Variants in RSF1 observed in about 807,000 individuals in gnomAD.
RSF1 encodes remodeling and spacing factor 1.
A neutral mutation model predicts 145.2 loss-of-function variants in RSF1; 13 were observed. The ratio of observed to expected loss-of-function variants is 0.09; its 90% CI spans 0.06 to 0.14. The LOEUF is 0.14. RSF1 is among the 10% of genes least tolerant of loss of function. The pLI, the probability that RSF1 is intolerant of heterozygous loss-of-function variation, is 1.00. For synonymous variants in RSF1, 577 were observed against 592.6 expected (o/e 0.97, Z 0.38); for missense variants, 1,517 against 1,718.2 (o/e 0.88, Z 2.07).
intron 11 of RSF1, 59 bp from the exon 12 acceptor site, chr11:77,678,212 A>G (rs1462824698): frequency 2.3e-5 from 14 of 598,874 alleles, no homozygotes; most frequent in Non-Finnish European, 3.3e-5. Flanking sequence ...TTTTTTTTTT[A>G]ATTATTTTTA....
chr11:77,871,681 A>C, the RSF1 span, among the ~76,000 whole-genome samples: 1 of 152,232 alleles, frequency 6.6e-6, no homozygotes, highest in Non-Finnish European at 1.5e-5. Context: ...GAGCTAGCCT[A>C]ACATTTCTTA....
the RSF1 span, chr11:77,869,083 C>G: frequency 6.9e-6 from 2 of 291,658 alleles, no homozygotes; most frequent in Non-Finnish European, 6.6e-6. Context: ...TACAGTATCA[C>G]CTGTCTCATA....
chr11:77,716,826 T>C (rs529471123), intron 5 of RSF1, among the ~76,000 whole-genome samples: 3 of 152,328 alleles, frequency 2.0e-5, no homozygotes, highest in South Asian at 4.1e-4. Flanking sequence ...TTCCACAATA[T>C]GGAATTAGTT....
intron 1 of RSF1, among the ~76,000 whole-genome samples, chr11:77,807,136 T>A (rs1948685429): frequency 6.6e-6 from 1 of 152,226 alleles, no homozygotes; most frequent in African/African-American, 2.4e-5. Context: ...TGGTCTTAAG[T>A]TCCTCAACCA....
chr11:77,783,836 G>A (rs1385035317), intron 1 of RSF1, among the ~76,000 whole-genome samples: 3 of 150,990 alleles, frequency 2.0e-5, no homozygotes, highest in East Asian at 1.9e-4. Flanking sequence ...AGCAAGACCC[G>A]ATTTCAAAAA....
At position 77,683,746 on chromosome 11, in the gene RSF1, C is replaced by T. The variant is rs1329183417; in HGVS notation, c.3029G>A (p.Arg1010Lys). The T allele has an allele frequency of 1.2e-6, 2 of 1,613,276 alleles. No individual in the cohort carries two copies. Among genetic ancestry groups the T allele is most frequent in the Non-Finnish European group, 1.7e-6 (2 of 1,179,848 alleles). The change falls in exon 11 of 16, where the codon AGG (arginine) becomes AAG (lysine). Residue 1010 changes from arginine to lysine, a missense_variant. Transcript: ENST00000308488. ...ACATTTCCTTGTTCTTGTTGACCTC[C>T]TTTCAAGCAAGTTTGCTTTGGATTT... ...SKKSKANLLE[R>K]RSTRTRKCIS...
At chr11:77,730,457 T>C (rs1339224419) in intron 4 of RSF1, among the ~76,000 whole-genome samples, 1 of 151,852 alleles carries the variant, frequency 6.6e-6, no homozygotes, top group African/African-American at 2.4e-5. Context: ...AATGCATACA[T>C]TGTGTAATCT....
chr11:77,742,889 T>A (rs1320441119), intron 3 of RSF1, among the ~76,000 whole-genome samples: 3 of 152,188 alleles, frequency 2.0e-5, no homozygotes, highest in Non-Finnish European at 2.9e-5. Flanking sequence ...GGTCTATATG[T>A]AAGTCTTTAA....
chr11:77,734,681 G>A lies in RSF1; in HGVS notation c.578+6050C>T, dbSNP rs1590857399. The A allele has an allele frequency of 2.9e-6, 4 of 1,398,858 alleles. No individual in the cohort carries two copies. The African/African-American group carries it at 4.2e-5, about 15-fold the overall frequency. 86.7% of individuals were successfully genotyped at this position (1,398,858 alleles called of 1,614,324 possible). A position where few individuals can be genotyped will look rare whatever the true frequency, so the allele number is the denominator to read the frequency against. On this transcript the variant is annotated intron_variant, in intron 4 of 15. Coordinates refer to ENST00000308488, the MANE Select transcript of RSF1 (RefSeq NM_016578.4). Reference sequence around the variant, plus strand: ...TCAGTGGCCAATTTGTGCAGTTCCAGTAGTGACTGATTCACATTTTTTTCC... The same window carrying A: ...TCAGTGGCCAATTTGTGCAGTTCCAATAGTGACTGATTCACATTTTTTTCC...
intron 2 of RSF1, among the ~76,000 whole-genome samples, chr11:77,751,614 C>T (rs1174785742): frequency 6.6e-6 from 1 of 152,138 alleles, no homozygotes; most frequent in Non-Finnish European, 1.5e-5. Flanking sequence ...GGGCAGATGC[C>T]TAATTTCCAT....
At chr11:77,758,018 G>A (rs557747718) in intron 2 of RSF1, among the ~76,000 whole-genome samples, 10 of 151,794 alleles carry the variant, frequency 6.6e-5, no homozygotes, top group South Asian at 2.1e-4. Flanking sequence ...CTGTAGTTCC[G>A]GCTACTGGGG....
At chr11:77,835,789 C>T in the RSF1 span, among the ~76,000 whole-genome samples, 3 of 152,078 alleles carry the variant, frequency 2.0e-5, no homozygotes, top group African/African-American at 7.2e-5. Flanking sequence ...GGCGTGGTGG[C>T]ATGTACCTGT....
intron 5 of RSF1, among the ~76,000 whole-genome samples, chr11:77,707,371 T>C (rs1425139869): frequency 6.6e-6 from 1 of 152,226 alleles, no homozygotes; most frequent in Non-Finnish European, 1.5e-5. Context: ...AAAAATTCTA[T>C]GAAGCATATT....
At chr11:77,813,416 G>A in intron 1 of RSF1, 2 of 1,223,554 alleles carry the variant, frequency 1.6e-6, no homozygotes, top group Non-Finnish European at 2.4e-6. Flanking sequence ...AAGTCAATGA[G>A]TCGCTTGTGG....
intron 1 of RSF1, among the ~76,000 whole-genome samples, chr11:77,772,540 A>C (rs549031472): frequency 2.0e-5 from 3 of 152,132 alleles, no homozygotes; most frequent in Admixed American, 6.5e-5. Context: ...TAATATAACA[A>C]CTATTATATT....
intron 1 of RSF1, chr11:77,813,846 C>T (rs935137601): frequency 9.8e-6 from 2 of 205,038 alleles, no homozygotes; most frequent in African/African-American, 4.6e-5. Context: ...CACACACACA[C>T]ACACACACAC....
chr11:77,680,297 A>G (rs1959823467), intron 11 of RSF1, among the ~76,000 whole-genome samples: 1 of 151,962 alleles, frequency 6.6e-6, no homozygotes, highest in South Asian at 2.1e-4. Context: ...AAAATTAGCC[A>G]GGTGTGGTGA....
chr11:77,740,662 C>T (rs1961487535), intron 4 of RSF1, 69 bp downstream of exon 4: 1 of 1,420,608 alleles, frequency 7.0e-7, no homozygotes, highest in Non-Finnish European at 9.9e-7. Context: ...TAGATAACAT[C>T]CTAGTTTTGA....
At chr11:77,776,979 AC>A (rs1422021980) in intron 1 of RSF1, among the ~76,000 whole-genome samples, 1 of 152,220 alleles carries the variant, frequency 6.6e-6, no homozygotes, top group African/African-American at 2.4e-5. Context: ...AAAAACTTCT[AC>A]CCAGCAAAAT....
Sources: allele counts gnomAD v4.1 joint callset (sites outside exome capture counted in the v4.1 genomes callset), GRCh38; gene constraint gnomAD v4.1.1; transcripts MANE v1.5; gene names NCBI Gene and HGNC (gene_info 2026-07-23, HGNC 2026-07-21).